The following PTPRD variants were observed in gnomAD, a reference collection of about 807,000 sequenced individuals.
The protein encoded by PTPRD is protein tyrosine phosphatase receptor type D, also known as receptor-type tyrosine-protein phosphatase delta.
Under a neutral mutation model 214.5 loss-of-function variants are expected in PTPRD, and 34 were observed. That is an observed-to-expected ratio of 0.16 (90% CI 0.12 to 0.21). PTPRD has a LOEUF of 0.21. PTPRD is among the 10% of genes least tolerant of loss of function. PTPRD has a pLI of 1.00. For synonymous variants in PTPRD, 1,128 were observed against 845.7 expected, an observed-to-expected ratio of 1.33 and a Z score of -5.79; for missense variants, 2,545 against 2,398.7, an observed-to-expected ratio of 1.06 and a Z score of -1.27.
At chr9:10,128,837 T>C (rs1436984565) in intron 3 of PTPRD, among the ~76,000 whole-genome samples, 3 of 152,138 alleles carry the variant, frequency 2.0e-5, no homozygotes, top group Non-Finnish European at 1.5e-5. Context: ...ATAAGTCACC[T>C]GGGAGATATT....
intron 39 of PTPRD, among the ~76,000 whole-genome samples, chr9:8,363,244 G>T (rs993791538): frequency 2.0e-5 from 3 of 152,126 alleles, no homozygotes; most frequent in African/African-American, 7.2e-5. Flanking sequence ...TCTTAGCTTG[G>T]AGGACAGTAT....
At chr9:10,568,966 A>ACCAT (rs1172112892) in intron 2 of PTPRD, among the ~76,000 whole-genome samples, 1 of 152,112 alleles carries the variant, frequency 6.6e-6, no homozygotes, top group Non-Finnish European at 1.5e-5. Flanking sequence ...AAAAGAAACT[A>ACCAT]CCATCAGAGT....
chr9:8,727,736 G>A (rs1305403717), intron 12 of PTPRD, among the ~76,000 whole-genome samples: 1 of 151,998 alleles, frequency 6.6e-6, no homozygotes, highest in Non-Finnish European at 1.5e-5. Flanking sequence ...GGTCACTATG[G>A]CCTTAAACTG....
intron 11 of PTPRD, among the ~76,000 whole-genome samples, chr9:8,740,926 TC>T (rs1227143368): frequency 6.6e-6 from 1 of 152,248 alleles, no homozygotes; most frequent in Middle Eastern, 3.4e-3. Flanking sequence ...GTAAAACAAT[TC>T]CTATCAATAT....
intron 3 of PTPRD, among the ~76,000 whole-genome samples, chr9:10,338,366 A>T (rs1432184783): frequency 6.6e-6 from 1 of 151,710 alleles, no homozygotes; most frequent in Admixed American, 6.6e-5. Flanking sequence ...ATCCATACCA[A>T]TATAACTTTC....
chr9:10,204,154 A>G (rs1234318527), intron 3 of PTPRD, among the ~76,000 whole-genome samples: 2 of 152,072 alleles, frequency 1.3e-5, no homozygotes, highest in Admixed American at 1.3e-4. Flanking sequence ...ATTGACCTCT[A>G]TGAGATTTGA....
intron 12 of PTPRD, among the ~76,000 whole-genome samples, chr9:8,642,764 C>T (rs368713510): frequency 7.2e-5 from 11 of 152,212 alleles, no homozygotes; most frequent in Non-Finnish European, 2.9e-5. Flanking sequence ...TTGACACTTT[C>T]GCAAACATGG....
chr9:9,305,750 G>A (rs1956933373), intron 9 of PTPRD, among the ~76,000 whole-genome samples: 2 of 152,056 alleles, frequency 1.3e-5, no homozygotes, highest in Non-Finnish European at 2.9e-5. Flanking sequence ...TAGATGTAGA[G>A]ACACAAAAAA....
chr9:9,309,194 G>A (rs1364570479), intron 9 of PTPRD, among the ~76,000 whole-genome samples: 1 of 151,346 alleles, frequency 6.6e-6, no homozygotes, highest in Non-Finnish European at 1.5e-5. Flanking sequence ...TTGGTGCCCT[G>A]TTCCTGCCTG....
chr9:8,756,579 G>A (rs1036458392), intron 11 of PTPRD, among the ~76,000 whole-genome samples: 6 of 152,152 alleles, frequency 3.9e-5, no homozygotes, highest in African/African-American at 1.4e-4. Flanking sequence ...GGCTATTTGA[G>A]AGTGGGTTTT....
At chr9:9,154,904 A>G (rs1183414718) in intron 10 of PTPRD, among the ~76,000 whole-genome samples, 1 of 152,172 alleles carries the variant, frequency 6.6e-6, no homozygotes, top group East Asian at 1.9e-4. Context: ...AATTTGCTAT[A>G]GTTGAATGCA....
intron 3 of PTPRD, among the ~76,000 whole-genome samples, chr9:10,103,395 T>TATATATATATATATATATATATGTA (rs34926923): frequency 6.8e-4 from 79 of 116,708 alleles, no homozygotes; most frequent in Admixed American, 1.4e-3. Flanking sequence ...ATATATATAT[T>TATATATATATATATATATATATGTA]TATTTAAGAG....
intron 8 of PTPRD, among the ~76,000 whole-genome samples, chr9:9,417,776 A>AG (rs1289053609): frequency 6.6e-6 from 1 of 152,084 alleles, no homozygotes; most frequent in Non-Finnish European, 1.5e-5. Context: ...CTATAAAATG[A>AG]GATCAACTTG....
intron 11 of PTPRD, among the ~76,000 whole-genome samples, chr9:8,796,229 A>G (rs2096417171): frequency 6.6e-6 from 1 of 152,206 alleles, no homozygotes; most frequent in African/African-American, 2.4e-5. Context: ...CCAATTCTTA[A>G]TTGCCAAGTT....
At chr9:9,198,191 T>A (rs576708915) in intron 9 of PTPRD, among the ~76,000 whole-genome samples, 25 of 152,346 alleles carry the variant, frequency 1.6e-4, no homozygotes, top group African/African-American at 5.5e-4. Context: ...CACTTAGCAC[T>A]GTGGCTTTGC....
intron 2 of PTPRD, among the ~76,000 whole-genome samples, chr9:10,351,220 C>A (rs1469348482): frequency 6.6e-6 from 1 of 151,988 alleles, no homozygotes. Context: ...TTTTTTTAAT[C>A]ATCTACTATC....
chr9:9,652,172 T>G (rs2096377644), intron 7 of PTPRD, among the ~76,000 whole-genome samples: 1 of 152,056 alleles, frequency 6.6e-6, no homozygotes, highest in Non-Finnish European at 1.5e-5. Context: ...TTTCTCAAAG[T>G]CATGCCTCAA....
At chr9:8,855,598 AG>A (rs1256237964) in intron 11 of PTPRD, among the ~76,000 whole-genome samples, 7 of 152,184 alleles carry the variant, frequency 4.6e-5, no homozygotes, top group Non-Finnish European at 8.8e-5. Context: ...TATATTACTG[AG>A]GGCTATAAGA....
intron 7 of PTPRD, among the ~76,000 whole-genome samples, chr9:9,599,013 C>A (rs1309984194): frequency 6.6e-6 from 1 of 151,940 alleles, no homozygotes; most frequent in Non-Finnish European, 1.5e-5. Flanking sequence ...TTTTACACTG[C>A]TAGAAAAATG....
Sources: allele counts gnomAD v4.1 joint callset (sites outside exome capture counted in the v4.1 genomes callset), GRCh38; gene constraint gnomAD v4.1.1; transcripts MANE v1.5; gene names NCBI Gene and HGNC (gene_info 2026-07-23, HGNC 2026-07-21).